The following ALG5 variants were observed in gnomAD, a reference collection of about 807,000 sequenced individuals.
ALG5 encodes dolichyl-phosphate beta-glucosyltransferase.
In ALG5, 26 loss-of-function variants were observed where a neutral mutation model predicts 51.8. That is an observed-to-expected ratio of 0.50 (90% CI 0.37 to 0.70). ALG5 has a LOEUF of 0.70. ALG5 is among the 30% of genes least tolerant of loss of function. The probability of loss-of-function intolerance (pLI) is 0.00; values close to 1 mark genes in which losing one functional copy is unlikely to be tolerated. For missense variants in ALG5, 311 were observed against 399.3 expected, an observed-to-expected ratio of 0.78 and a Z score of 1.88; for synonymous variants, 141 against 136.1, an observed-to-expected ratio of 1.04 and a Z score of -0.25.
intron 7 of ALG5, among the ~76,000 whole-genome samples, chr13:36,970,672 G>A (rs111890427): frequency 0.052 from 7,867 of 152,154 alleles, 671 homozygotes; most frequent in African/African-American, 0.18. Context: ...CAGCACTTTG[G>A]GAGGCCAAGG....
intron 6 of ALG5, among the ~76,000 whole-genome samples, chr13:36,985,254 T>G (rs1448386043): frequency 6.6e-6 from 1 of 152,128 alleles, no homozygotes; most frequent in East Asian, 1.9e-4. Flanking sequence ...TGTGATTTTG[T>G]TTGTTTCATC....
At chr13:36,953,357 A>G (rs1400832281) in intron 8 of ALG5, among the ~76,000 whole-genome samples, 1 of 152,216 alleles carries the variant, frequency 6.6e-6, no homozygotes, top group Non-Finnish European at 1.5e-5. Context: ...GCCTTGGCTT[A>G]GGTCAAACCT....
intron 5 of ALG5, 71 bp from the exon 6 acceptor site, chr13:36,985,811 GT>G: frequency 1.0e-6 from 1 of 1,002,720 alleles, no homozygotes; most frequent in Non-Finnish European, 1.5e-6. Flanking sequence ...ACTTCAGTCT[GT>G]TCTACTTAAA....
At chr13:36,954,599 T>C (rs1335723175) in intron 8 of ALG5, among the ~76,000 whole-genome samples, 2 of 152,202 alleles carry the variant, frequency 1.3e-5, no homozygotes, top group Non-Finnish European at 2.9e-5. Flanking sequence ...GTCTGTTACC[T>C]AAGCAAACAT....
intron 7 of ALG5, among the ~76,000 whole-genome samples, chr13:36,965,957 G>A (rs1161676372): frequency 6.6e-6 from 1 of 152,148 alleles, no homozygotes; most frequent in Non-Finnish European, 1.5e-5. Context: ...ATTTCCTGGA[G>A]GTTGAGTCAG....
In ALG5 at chr13:36,965,652, CCT is replaced by C. The variant is rs1462503790; in HGVS notation, c.694_695del (p.Arg232GlyfsTer24). ...LVWFLCVKGIRDTQCGFKLFT... is the reference protein window; with the variant it reads ...LVWFLCVKGIXDTQCGFKLFT... ...ATAATTTGAACCCACACTGTGTGTC[CCT>C]GATTCCTTTGACACAAAGGAACCAC... On this transcript the variant is annotated frameshift_variant, in exon 8 of 10. Coordinates refer to ENST00000239891, the MANE Select transcript of ALG5 (RefSeq NM_013338.5). LOFTEE classifies it high-confidence loss of function. 6.2e-7 allele frequency: 1 copy of C among 1,613,918 alleles called. No individual in the cohort carries two copies. The highest frequency in any genetic ancestry group is 1.7e-5 in the Admixed American group (1 of 60,020).
chr13:36,996,199 T>A (rs985793824), intron 1 of ALG5, among the ~76,000 whole-genome samples: 1 of 152,238 alleles, frequency 6.6e-6, no homozygotes, highest in African/African-American at 2.4e-5. Flanking sequence ...TACTGAAGTA[T>A]CTAACTTACA....
At chr13:36,959,523 A>G (rs2058856018) in intron 8 of ALG5, among the ~76,000 whole-genome samples, 1 of 152,184 alleles carries the variant, frequency 6.6e-6, no homozygotes. Context: ...AAATGCATGA[A>G]AAAGAACTAC....
chr13:36,978,047 C>T (rs572166837), intron 6 of ALG5, among the ~76,000 whole-genome samples: 22 of 151,240 alleles, frequency 1.5e-4, no homozygotes, highest in African/African-American at 2.7e-4. Context: ...GCACCATGCC[C>T]GGCTAATTTT....
intron 8 of ALG5, among the ~76,000 whole-genome samples, chr13:36,954,951 G>C (rs1164306166): frequency 6.6e-6 from 1 of 152,154 alleles, no homozygotes; most frequent in Non-Finnish European, 1.5e-5. Flanking sequence ...AAAAACCTTG[G>C]AAGTTGTAGG....
intron 9 of ALG5, among the ~76,000 whole-genome samples, chr13:36,951,125 C>A (rs528633722): frequency 5.3e-5 from 8 of 152,100 alleles, no homozygotes; most frequent in South Asian, 2.1e-4. Flanking sequence ...AGTTGAGGTA[C>A]CTACAATTCA....
chr13:36,964,714 C>T (rs964644725), intron 8 of ALG5, among the ~76,000 whole-genome samples: 11 of 152,072 alleles, frequency 7.2e-5, no homozygotes, highest in African/African-American at 2.4e-4. Flanking sequence ...CACCTGAGGT[C>T]AGGAGTTCAA....
At chr13:36,983,191 C>A (rs901229781) in intron 6 of ALG5, among the ~76,000 whole-genome samples, 7 of 152,110 alleles carry the variant, frequency 4.6e-5, no homozygotes, top group African/African-American at 1.2e-4. Flanking sequence ...AATCTGATGC[C>A]TTATGCCCTC....
intron 6 of ALG5, among the ~76,000 whole-genome samples, chr13:36,976,858 T>C (rs910244694): frequency 6.6e-6 from 1 of 152,214 alleles, no homozygotes; most frequent in African/African-American, 2.4e-5. Context: ...GAGAATGATT[T>C]TCTTAGAGAG....
At chr13:36,993,768 G>T in intron 3 of ALG5, 96 bp from the exon 4 acceptor site, 1 of 917,878 alleles carries the variant, frequency 1.1e-6, no homozygotes, top group Non-Finnish European at 1.7e-6. Flanking sequence ...CTGCTTTAGT[G>T]TTGATACATA....
intron 2 of ALG5, 131 bp downstream of exon 2, chr13:36,995,294 C>A: frequency 2.0e-6 from 2 of 1,010,656 alleles, no homozygotes; most frequent in Non-Finnish European, 2.9e-6. Context: ...CGAACTACAA[C>A]AATTATCAAC....
At chr13:36,983,606 T>C (rs894358390) in intron 6 of ALG5, among the ~76,000 whole-genome samples, 11 of 151,658 alleles carry the variant, frequency 7.3e-5, no homozygotes, top group Admixed American at 1.3e-4. Flanking sequence ...CAACAAGTAA[T>C]TTAAATGTGG....
chr13:36,959,280 T>C (rs373769147), intron 8 of ALG5, among the ~76,000 whole-genome samples: 15 of 152,168 alleles, frequency 9.9e-5, no homozygotes, highest in African/African-American at 2.9e-4. Flanking sequence ...TTTTTGGAGA[T>C]CTATTATACA....
At chr13:36,958,249 A>G (rs549405225) in intron 8 of ALG5, among the ~76,000 whole-genome samples, 1 of 152,084 alleles carries the variant, frequency 6.6e-6, no homozygotes, top group Admixed American at 6.5e-5. Flanking sequence ...AAGAGCTTCT[A>G]TGGAGAATGT....
Sources: gnomAD v4.1 joint callset for allele counts (sites outside exome capture counted in the v4.1 genomes callset) on GRCh38, gnomAD v4.1.1 for gene constraint, MANE v1.5 for transcripts, NCBI Gene and HGNC (gene_info 2026-07-23, HGNC 2026-07-21) for gene names.